The following MAVS variants were observed in gnomAD, a reference collection of about 807,000 sequenced individuals.
The protein encoded by MAVS is mitochondrial antiviral signaling protein.
Under a neutral mutation model 30.2 loss-of-function variants are expected in MAVS, and 20 were observed. The ratio of observed to expected loss-of-function variants is 0.66; its 90% CI spans 0.47 to 0.96. The LOEUF is 0.96. Among genes scored for constraint, MAVS ranks in the 40% least tolerant of loss-of-function variants. The probability of loss-of-function intolerance (pLI) is 0.00; values close to 1 mark genes in which losing one functional copy is unlikely to be tolerated. For missense variants in MAVS, 624 were observed against 701.1 expected, an observed-to-expected ratio of 0.89 and a Z score of 1.24; for synonymous variants, 278 against 293.9, an observed-to-expected ratio of 0.95 and a Z score of 0.55.
chr20:3,855,636 C>G (rs1384237301), intron 2 of MAVS, among the ~76,000 whole-genome samples: 1 of 152,150 alleles, frequency 6.6e-6, no homozygotes, highest in African/African-American at 2.4e-5. Flanking sequence ...CTCAGGAGCC[C>G]CATTGTTGTC....
chr20:3,858,504 C>T (rs145096979), intron 3 of MAVS, among the ~76,000 whole-genome samples: 3 of 151,882 alleles, frequency 2.0e-5, no homozygotes, highest in East Asian at 2.0e-4. Context: ...ACAGTGAAAC[C>T]CCGTCTCTAC....
Position 3,864,708 on chromosome 20 carries a change from C to G in MAVS, c.1078C>G (p.Pro360Ala), listed in dbSNP as rs1272417340. The change falls in exon 6 of 7, where the codon CCA (proline) becomes GCA (alanine). Residue 360 changes from proline (P) to alanine (A), a missense_variant. Physicochemically the swap from Pro to Ala is conservative, Grantham distance 27. Transcript: ENST00000428216. ...PINSTRAGMV[P>A]SKVPTSMVLT... ...CAACTCAACCCGTGCTGGCATGGTG[C>G]CATCCAAAGTGCCTACTAGCATGGT... is the stretch of plus-strand genomic sequence containing the variant. 1 of 1,614,118 alleles carries G rather than the reference C, an allele frequency of 6.2e-7. No homozygotes were observed. Among genetic ancestry groups the G allele is most frequent in the African/African-American group, 1.3e-5 (1 of 74,948 alleles).
In MAVS at chr20:3,872,451, G is replaced by A. The variant is rs1478951036; in HGVS notation, c.*6304G>A. 1 of 152,092 alleles carries A rather than the reference G, an allele frequency of 6.6e-6. No homozygotes were observed. Among genetic ancestry groups the A allele is most frequent in the African/African-American group, 2.4e-5 (1 of 41,294 alleles). The allele number at this position is 152,092 out of a possible 1,614,324, so 9.4% of individuals were successfully genotyped here. On this transcript the variant is annotated 3_prime_UTR_variant, in exon 7 of 7. Transcript: ENST00000428216. Reference sequence around the variant, plus strand: ...AGACCCTGTCTTTAAAGTACATAGAGGTTTTTCACACCAACACATCTCTGC... The same window carrying A: ...AGACCCTGTCTTTAAAGTACATAGAAGTTTTTCACACCAACACATCTCTGC...
intron 1 of MAVS, among the ~76,000 whole-genome samples, chr20:3,851,494 A>C (rs933295393): frequency 4.9e-5 from 6 of 122,138 alleles, no homozygotes; most frequent in African/African-American, 2.0e-4. Flanking sequence ...CGACAGGGAG[A>C]CTCTGTCTCA....
rs374548454 is a variant in MAVS, at chr20:3,862,792, A to C, written c.625+379A>C. 7.2e-5 allele frequency among the ~76,000 whole-genome samples: 11 copies of C among 152,040 alleles called. 1 individual carries two copies. Among genetic ancestry groups the C allele is most frequent in the Admixed American group, 7.2e-4 (11 of 15,250 alleles). On this transcript the variant is annotated intron_variant, in intron 5 of 6. Transcript: ENST00000428216. ...TTGCTGAGCACCTTGGTTCTCTTCT[A>C]TGTAGTCTCTCATCCTCCAGCACAC...
In MAVS at chr20:3,870,776, G is replaced by A. The variant is rs2089948912; in HGVS notation, c.*4629G>A. Reference sequence around the variant, plus strand: ...ACTTTCAAACACAAAAAAGTAGAGAGAGTAGAATAACAAATCCCCATGAGC... The same window carrying A: ...ACTTTCAAACACAAAAAAGTAGAGAAAGTAGAATAACAAATCCCCATGAGC... On this transcript the variant is annotated 3_prime_UTR_variant, in exon 7 of 7. Coordinates refer to ENST00000428216, the MANE Select transcript of MAVS (RefSeq NM_020746.5). The A allele has an allele frequency of 5.3e-5, 8 of 150,132 alleles. No homozygotes were observed. 9.3% of individuals were successfully genotyped at this position (150,132 alleles called of 1,614,324 possible).
At chr20:3,855,407 T>TC (rs937771743) in intron 2 of MAVS, among the ~76,000 whole-genome samples, 1 of 152,138 alleles carries the variant, frequency 6.6e-6, no homozygotes, top group Admixed American at 6.6e-5. Context: ...ATTCTCCTTG[T>TC]CATGGGGCCC....
intron 3 of MAVS, among the ~76,000 whole-genome samples, chr20:3,859,795 G>A (rs1466298800): frequency 1.3e-5 from 2 of 151,112 alleles, no homozygotes; most frequent in Non-Finnish European, 2.9e-5. Flanking sequence ...TCCCACTCCT[G>A]CCCCCTTGCC....
At chr20:3,849,471 C>G (rs1478751223) in intron 1 of MAVS, among the ~76,000 whole-genome samples, 1 of 152,214 alleles carries the variant, frequency 6.6e-6, no homozygotes, top group African/African-American at 2.4e-5. Context: ...TCCCAAAGTG[C>G]TGGGATTATA....
At position 3,849,716 on chromosome 20, in the gene MAVS, G is replaced by A. The variant is rs1354547071; in HGVS notation, c.-68+2813G>A. Among the ~76,000 whole-genome samples, 3 of 152,114 alleles carry A rather than the reference G, an allele frequency of 2.0e-5. No individual in the cohort carries two copies. The South Asian group carries it at 6.2e-4, about 32-fold the overall frequency. ...GTTCAAGTAGCATGCCTGTCTCCAGGGGCTCTGTCTCATTACCTGCTTTAC... is the reference window on the plus strand; with the variant it reads ...GTTCAAGTAGCATGCCTGTCTCCAGAGGCTCTGTCTCATTACCTGCTTTAC... On this transcript the variant is annotated intron_variant, in intron 1 of 6. Coordinates refer to ENST00000428216, the MANE Select transcript of MAVS (RefSeq NM_020746.5).
Position 3,848,255 on chromosome 20 carries a change from T to C in MAVS, c.-68+1352T>C, listed in dbSNP as rs372003427. Among the ~76,000 whole-genome samples the C allele has an allele frequency of 6.4e-4, 98 of 152,182 alleles. 1 individual carries two copies. Among genetic ancestry groups the C allele is most frequent in the South Asian group, 2.9e-3 (14 of 4,814 alleles). On this transcript the variant is annotated intron_variant, in intron 1 of 6. Transcript: ENST00000428216. The stretch of plus-strand genomic sequence containing the variant: ...CTGGGACTACAGGTGTGTGCCACCA[T>C]GCCTGGCTAATTTTTGCATTTTTAG...
chr20:3,870,623 G>A lies in MAVS; in HGVS notation c.*4476G>A, dbSNP rs2089946654. ...GAGACAAGCCTGGGCAACAAAGCAA[G>A]ACCCTATCTCTAAAAAAAAAAAAAA... On this transcript the variant is annotated 3_prime_UTR_variant, in exon 7 of 7. Coordinates refer to ENST00000428216, the MANE Select transcript of MAVS (RefSeq NM_020746.5). The A allele has an allele frequency of 1.3e-5, 1 of 76,048 alleles. No homozygotes were observed. The highest frequency in any genetic ancestry group is 5.2e-5 in the African/African-American group (1 of 19,310). The allele number at this position is 76,048 out of a possible 1,614,324, so 4.7% of individuals were successfully genotyped here. A position where few individuals can be genotyped will look rare whatever the true frequency, so the allele number is the denominator to read the frequency against.
chr20:3,848,179 A>G (rs1188862636), intron 1 of MAVS, among the ~76,000 whole-genome samples: 1 of 151,920 alleles, frequency 6.6e-6, no homozygotes, highest in Non-Finnish European at 1.5e-5. Context: ...GGCTCACTGC[A>G]ACCTCTGCCT....
intron 2 of MAVS, among the ~76,000 whole-genome samples, chr20:3,855,566 G>A (rs1365644840): frequency 6.6e-6 from 1 of 152,194 alleles, no homozygotes; most frequent in South Asian, 2.1e-4. Context: ...TTCTCAGATT[G>A]GACCCCTGTG....
At chr20:3,860,738 G>A (rs1440403008) in intron 3 of MAVS, among the ~76,000 whole-genome samples, 13 of 150,898 alleles carry the variant, frequency 8.6e-5, no homozygotes, top group African/African-American at 1.2e-4. Flanking sequence ...GTGCAGTGGC[G>A]CGATCTCAGC....
chr20:3,857,870 T>C lies in MAVS; in HGVS notation c.292+61T>C, dbSNP rs774495971. On this transcript the variant is annotated intron_variant, in intron 3 of 6. Transcript: ENST00000428216. Reference sequence around the variant, plus strand: ...CCTGCTCCCTGGCCTCCGCTCTCCTTTTCTCTCTCCCTGTACTTCCTGCCT... The same window carrying C: ...CCTGCTCCCTGGCCTCCGCTCTCCTCTTCTCTCTCCCTGTACTTCCTGCCT... The C allele has an allele frequency of 4.5e-6, 7 of 1,552,884 alleles. No homozygotes were observed. In the Admixed American group the frequency reaches 1.2e-4, roughly 26 times the overall value.
At chr20:3,850,885 CAAAAAAAA>C (rs35643330) in intron 1 of MAVS, among the ~76,000 whole-genome samples, 1 of 93,470 alleles carries the variant, frequency 1.1e-5, no homozygotes, top group Non-Finnish European at 2.4e-5. Context: ...AACTCCGTCT[CAAAAAAAA>C]AAAAAAAAAA....
chr20:3,863,867 G>C (rs2089884826), intron 5 of MAVS, among the ~76,000 whole-genome samples: 1 of 152,204 alleles, frequency 6.6e-6, no homozygotes, highest in South Asian at 2.1e-4. Context: ...ACTCATGGTG[G>C]TAGGAGAGGG....
rs184406468 is a variant in MAVS at position 3,856,805 on chromosome 20, G to A, written c.118-830G>A. ...TCCCAGCGCTTTGGGAGGCCAAGGC[G>A]GGTGGATCACCTGAGGTCAGGAGTT... On this transcript the variant is annotated intron_variant, in intron 2 of 6. Coordinates refer to ENST00000428216, the MANE Select transcript of MAVS (RefSeq NM_020746.5). Among the ~76,000 whole-genome samples, 314 of 152,052 alleles carry A rather than the reference G, an allele frequency of 2.1e-3. 2 individuals are homozygous for A. Among genetic ancestry groups the A allele is most frequent in the African/African-American group, 7.1e-3 (293 of 41,490 alleles).
Sources: gnomAD v4.1 joint callset for allele counts (sites outside exome capture counted in the v4.1 genomes callset) on GRCh38, gnomAD v4.1.1 for gene constraint, MANE v1.5 for transcripts, NCBI Gene and HGNC (gene_info 2026-07-23, HGNC 2026-07-21) for gene names.